MALRD1: variants seen among roughly 807,000 people sequenced by gnomAD.
The protein encoded by MALRD1 is MAM and LDL-receptor class A domain-containing protein 1.
Under a neutral mutation model 242.1 loss-of-function variants are expected in MALRD1, and 247 were observed. The observed-to-expected ratio is 1.02, with a 90% CI of 0.92 to 1.13. MALRD1 has a LOEUF of 1.13. Ranked by LOEUF, MALRD1 falls within the 50% of genes most tolerant of loss-of-function variation. MALRD1 has a pLI of 0.00. For missense variants in MALRD1, 2,989 were observed against 2,533.1 expected (o/e 1.18, Z -3.86); for synonymous variants, 995 against 866.6 (o/e 1.15, Z -2.60).
intron 2 of MALRD1, among the ~76,000 whole-genome samples, chr10:19,087,428 A>G (rs2358305): frequency 3.3e-5 from 5 of 151,726 alleles, no homozygotes; most frequent in Admixed American, 3.3e-4. Flanking sequence ...GATGTGGTTA[A>G]ATTATTTGTT....
intron 33 of MALRD1, among the ~76,000 whole-genome samples, chr10:19,577,715 A>C (rs1217470270): frequency 6.6e-6 from 1 of 152,142 alleles, no homozygotes; most frequent in African/African-American, 2.4e-5. Context: ...GACGTTGGCC[A>C]CATAAACACA....
intron 28 of MALRD1, among the ~76,000 whole-genome samples, chr10:19,401,867 G>A (rs1464635433): frequency 2.6e-5 from 4 of 152,106 alleles, no homozygotes; most frequent in African/African-American, 9.7e-5. Flanking sequence ...ACATTTTGTA[G>A]CATTTGTCTT....
intron 31 of MALRD1, among the ~76,000 whole-genome samples, chr10:19,512,452 T>C (rs1457376049): frequency 1.3e-5 from 2 of 152,220 alleles, no homozygotes; most frequent in South Asian, 2.1e-4. Flanking sequence ...CATAATGCCA[T>C]TGTGTTTGTA....
chr10:19,477,680 C>T (rs1326353444), intron 29 of MALRD1, among the ~76,000 whole-genome samples: 1 of 152,096 alleles, frequency 6.6e-6, no homozygotes, highest in Non-Finnish European at 1.5e-5. Flanking sequence ...GAGGGGCTCC[C>T]AAGTGGGACT....
intron 24 of MALRD1, among the ~76,000 whole-genome samples, chr10:19,338,214 C>G (rs895456541): frequency 1.0e-5 from 1 of 98,316 alleles, no homozygotes; most frequent in Admixed American, 1.0e-4. Context: ...AGGTCTCACT[C>G]TTGGTGCTGT....
chr10:19,704,548 G>C (rs538581124), intron 38 of MALRD1, among the ~76,000 whole-genome samples: 3 of 152,236 alleles, frequency 2.0e-5, no homozygotes, highest in African/African-American at 7.2e-5. Context: ...TATACATTTG[G>C]GGGGACACAA....
At chr10:19,292,230 A>G (rs1299104561) in intron 21 of MALRD1, among the ~76,000 whole-genome samples, 8 of 152,098 alleles carry the variant, frequency 5.3e-5, no homozygotes, top group African/African-American at 1.9e-4. Context: ...ATTGTACAAT[A>G]CACAATGTTT....
intron 2 of MALRD1, among the ~76,000 whole-genome samples, chr10:19,072,633 C>G (rs1439025891): frequency 6.6e-6 from 1 of 151,962 alleles, no homozygotes; most frequent in Non-Finnish European, 1.5e-5. Flanking sequence ...GAATATAATT[C>G]TTCCTCTAAG....
chr10:19,204,439 A>C (rs1450357102), intron 16 of MALRD1, 26 bp downstream of exon 16: 1 of 1,448,516 alleles, frequency 6.9e-7, no homozygotes, highest in Admixed American at 2.1e-5. Flanking sequence ...ATATTTAAAC[A>C]ATATTAAACA....
chr10:19,448,079 T>C (rs1835102108), intron 28 of MALRD1, among the ~76,000 whole-genome samples: 1 of 152,214 alleles, frequency 6.6e-6, no homozygotes, highest in African/African-American at 2.4e-5. Flanking sequence ...CATCTTCATC[T>C]ACCTCAGCAG....
chr10:19,592,436 G>A (rs1179213694), intron 33 of MALRD1, among the ~76,000 whole-genome samples: 2 of 152,216 alleles, frequency 1.3e-5, no homozygotes, highest in Non-Finnish European at 2.9e-5. Context: ...CCAGGAGGAG[G>A]TGTAACTCTG....
At chr10:19,096,268 G>A (rs184223863) in intron 4 of MALRD1, among the ~76,000 whole-genome samples, 14 of 152,200 alleles carry the variant, frequency 9.2e-5, no homozygotes, top group South Asian at 2.1e-4. Flanking sequence ...ATAAAAAAAC[G>A]TAAAACTCCA....
At chr10:19,621,172 C>A (rs1839382846) in intron 36 of MALRD1, among the ~76,000 whole-genome samples, 1 of 150,996 alleles carries the variant, frequency 6.6e-6, no homozygotes, top group Non-Finnish European at 1.5e-5. Flanking sequence ...GAACACTTCC[C>A]CTCCCCACCC....
At chr10:19,729,830 G>A (rs1271703878) in intron 38 of MALRD1, among the ~76,000 whole-genome samples, 2 of 146,296 alleles carry the variant, frequency 1.4e-5, no homozygotes, top group Non-Finnish European at 3.0e-5. Context: ...TCCGCCTCCC[G>A]GGTTCACGCC....
intron 5 of MALRD1, among the ~76,000 whole-genome samples, chr10:19,113,081 TTTTTTCCCC>T (rs1564399492): frequency 6.6e-6 from 1 of 152,190 alleles, no homozygotes; most frequent in Non-Finnish European, 1.5e-5. Flanking sequence ...AGCCCACATT[TTTTTTCCCC>T]TATGGGATAT....
chr10:19,579,077 C>T (rs1836974078), intron 33 of MALRD1, among the ~76,000 whole-genome samples: 1 of 152,158 alleles, frequency 6.6e-6, no homozygotes, highest in Non-Finnish European at 1.5e-5. Context: ...TTAAGCTACT[C>T]ATTCACATTC....
In MALRD1 at chr10:19,165,753, G is replaced by C. The variant is rs1834661821; in HGVS notation, c.1773G>C (p.Trp591Cys). Residue 591 changes from tryptophan (W) to cysteine (C), a missense_variant, in exon 13 of 40, where the codon TGG becomes TGC. By Grantham distance (215) the Trp-to-Cys change is radical. Coordinates refer to ENST00000454679, the MANE Select transcript of MALRD1 (RefSeq NM_001142308.3). The part of the protein sequence containing the change: ...GKIIRFSESQ[W>C]SHAKIDLIAE... ...TAATCAGATTCTCCGAATCTCAGTG[G>C]AGCCACGCAAAAATTGATCTCATTG... 8.1e-7 allele frequency: 1 copy of C among 1,231,674 alleles called. No homozygotes were observed. Among genetic ancestry groups the C allele is most frequent in the Non-Finnish European group, 1.0e-6 (1 of 987,948 alleles). The allele number at this position is 1,231,674 out of a possible 1,614,324, so 76.3% of individuals were successfully genotyped here.
intron 28 of MALRD1, among the ~76,000 whole-genome samples, chr10:19,392,076 T>C (rs113588939): frequency 9.2e-5 from 14 of 152,364 alleles, no homozygotes; most frequent in African/African-American, 7.2e-5. Flanking sequence ...CAATAATTAA[T>C]TGGTAGCCTC....
intron 18 of MALRD1, among the ~76,000 whole-genome samples, chr10:19,241,607 G>C (rs1406422032): frequency 1.3e-5 from 2 of 151,900 alleles, no homozygotes; most frequent in Non-Finnish European, 2.9e-5. Context: ...GGATTAGTTT[G>C]TTTTTGATGT....
Sources: allele counts gnomAD v4.1 joint callset (sites outside exome capture counted in the v4.1 genomes callset), GRCh38; gene constraint gnomAD v4.1.1; transcripts MANE v1.5; gene names NCBI Gene and HGNC (gene_info 2026-07-23, HGNC 2026-07-21).